CCDC183: variants seen among roughly 807,000 people sequenced by gnomAD.
The protein encoded by CCDC183 is coiled-coil domain containing 183, also known as coiled-coil domain-containing protein 183.
Under a neutral mutation model 65.2 loss-of-function variants are expected in CCDC183, and 63 were observed. The observed-to-expected ratio is 0.97, with a 90% CI of 0.79 to 1.19. The LOEUF is 1.19. Among genes scored for constraint, CCDC183 ranks in the 50% most tolerant of loss-of-function variants. The probability of loss-of-function intolerance (pLI) is 0.00; values close to 1 mark genes in which losing one functional copy is unlikely to be tolerated. For synonymous variants in CCDC183, 323 were observed against 276.5 expected (o/e 1.17, Z -1.67); for missense variants, 769 against 689.3 (o/e 1.12, Z -1.30).
At chr9:136,799,361 G>T in intron 2 of CCDC183, 138 bp downstream of exon 2, 2 of 1,331,682 alleles carry the variant, frequency 1.5e-6, no homozygotes, top group African/African-American at 3.0e-5. Flanking sequence ...GAGGGGCTCT[G>T]CTAGGACCTG....
In CCDC183 at chr9:136,804,447, T is replaced by C; in HGVS notation, c.667-55T>C. 4 of 1,580,420 alleles carry C rather than the reference T, an allele frequency of 2.5e-6. No homozygotes were observed. The Admixed American group carries it at 5.4e-5, about 21-fold the overall frequency. ...CAACCGCCCGCTGGCTTTACTGCCATTAGGGGCCTTGTTGAGACAGCTCCC... is the reference window on the plus strand; with the variant it reads ...CAACCGCCCGCTGGCTTTACTGCCACTAGGGGCCTTGTTGAGACAGCTCCC... On this transcript the variant is annotated intron_variant, in intron 6 of 13. Coordinates refer to ENST00000338005, the MANE Select transcript of CCDC183 (RefSeq NM_001039374.5). This position sits in a 1 kb window ranked among gnomAD's most constrained non-coding sequence, Gnocchi z 4.1.
chr9:136,803,161 GCCAGCCC>G, intron 6 of CCDC183, among the ~76,000 whole-genome samples: 5 of 53,772 alleles, frequency 9.3e-5, no homozygotes, highest in Admixed American at 2.7e-4. Context: ...GCCCCCCAGG[GCCAGCCC>G]TCTTGGATCT....
chr9:136,806,187 T>A lies in CCDC183; in HGVS notation c.1058T>A (p.Leu353Gln). 6.4e-7 allele frequency: 1 copy of A among 1,567,738 alleles called. No individual in the cohort carries two copies. The highest frequency in any genetic ancestry group is 1.4e-5 in the African/African-American group (1 of 73,766). The change falls in exon 10 of 14, where the codon CTG becomes CAG. Residue 353 changes from leucine (L) to glutamine (Q), a missense_variant. Leu to Gln is a moderately radical substitution (Grantham distance 113, BLOSUM62 -2). Coordinates refer to ENST00000338005, the MANE Select transcript of CCDC183 (RefSeq NM_001039374.5). Reference protein sequence around the residue: ...RVQLKALVKQLELEEAVLKFR... With the variant: ...RVQLKALVKQQELEEAVLKFR... ...CAGCTGAAGGCCCTGGTGAAGCAGC[T>A]GGAGCTGGAGGAGGCCGTGCTCAAG...
chr9:136,800,505 G>T lies in CCDC183; in HGVS notation c.543+12G>T, dbSNP rs766496433. 1 of 1,586,034 alleles carries T rather than the reference G, an allele frequency of 6.3e-7. No homozygotes were observed. The highest frequency in any genetic ancestry group is 2.2e-5 in the East Asian group (1 of 44,542). On this transcript the variant is annotated intron_variant, in intron 5 of 13. Transcript: ENST00000338005. ...ATTATCTGAAGACAGTGAGCCCAGC[G>T]GCCCGGGAAGGGCGGGGGTCAGGGG...
intron 10 of CCDC183, 36 bp downstream of exon 10, chr9:136,806,274 CCA>C (rs745784305): frequency 6.4e-7 from 1 of 1,566,256 alleles, no homozygotes; most frequent in Admixed American, 1.9e-5. Flanking sequence ...GCCACCCACC[CCA>C]GTCTCACAAA....
Position 136,806,661 on chromosome 9 carries a change from C to T in CCDC183, c.1267C>T (p.Pro423Ser), listed in dbSNP as rs775031980. 1 of 1,613,464 alleles carries T rather than the reference C, an allele frequency of 6.2e-7. No individual in the cohort carries two copies. Among genetic ancestry groups the T allele is most frequent in the Non-Finnish European group, 8.5e-7 (1 of 1,180,016 alleles). Residue 423 changes from proline to serine, a missense_variant, in exon 11 of 14, where the codon CCT becomes TCT. Physicochemically the swap from Pro to Ser is moderately conservative, Grantham distance 74 (BLOSUM62 -1). Coordinates refer to ENST00000338005, the MANE Select transcript of CCDC183 (RefSeq NM_001039374.5). ...TGTCCGGCTGATGGGCATTAACTTG[C>T]CTGCGACCCAGGTACCGGGAGTGAG... ...LYVRLMGINL[P>S]ATQREVVLSN... is the part of the protein sequence containing the mutation.
chr9:136,800,448 G>A lies in CCDC183; in HGVS notation c.498G>A (p.Gln166=), dbSNP rs1315129525. ...CAATGATCAAGATCATCACCAGCCA[G>A]AACATCCACCTGCTGTATTTGGACC... ...EKTMIKIITS[Q]NIHLLYLDLL... Residue 166 remains glutamine, a synonymous_variant, in exon 5 of 14, where the codon CAG becomes CAA. Transcript: ENST00000338005. The A allele has an allele frequency of 1.2e-6, 2 of 1,613,030 alleles. No homozygotes were observed. Among genetic ancestry groups the A allele is most frequent in the Non-Finnish European group, 1.7e-6 (2 of 1,179,580 alleles).
chr9:136,800,541 G>C (rs977781401), intron 5 of CCDC183, 48 bp downstream of exon 5: 7 of 1,398,626 alleles, frequency 5.0e-6, no homozygotes, highest in Middle Eastern at 3.5e-4. Flanking sequence ...CTGGGATCTG[G>C]GAGGGGCGGG....
At chr9:136,798,938 C>T (rs1267155861) in intron 1 of CCDC183, among the ~76,000 whole-genome samples, 164 bp from the exon 2 acceptor site, 4 of 152,192 alleles carry the variant, frequency 2.6e-5, no homozygotes, top group African/African-American at 4.8e-5. Context: ...GGCAGTGGAG[C>T]GGTGTCCCCC....
rs928278947 is a variant in CCDC183, at chr9:136,805,298, T to A, written c.848-59T>A. 1.2e-5 allele frequency: 17 copies of A among 1,430,758 alleles called. 1 individual carries two copies. The Middle Eastern group carries it at 1.0e-3, about 88-fold the overall frequency. 88.6% of individuals were successfully genotyped at this position (1,430,758 alleles called of 1,614,324 possible). A position where few individuals can be genotyped will look rare whatever the true frequency, so the allele number is the denominator to read the frequency against. ...CAGGTACAGAGGTGTCTGACAGCCTTACACAGAGCCCCTGAGCCATCCCTG... is the reference window on the plus strand; with the variant it reads ...CAGGTACAGAGGTGTCTGACAGCCTAACACAGAGCCCCTGAGCCATCCCTG... On this transcript the variant is annotated intron_variant, in intron 8 of 13. Coordinates refer to ENST00000338005, the MANE Select transcript of CCDC183 (RefSeq NM_001039374.5).
rs774293741 is a variant in CCDC183 at position 136,799,207 on chromosome 9, G to A, written c.176G>A (p.Trp59Ter). 6.2e-7 allele frequency: 1 copy of A among 1,606,494 alleles called. No homozygotes were observed. Among genetic ancestry groups the A allele is most frequent in the Non-Finnish European group, 8.5e-7 (1 of 1,176,994 alleles). ...RSNIRRGAQD[W>*]ALAKKYDQWT... ...AACATCCGCCGCGGGGCCCAGGACTGGGCTTTGGCCAAGAAGGTACACAAA... is the reference window on the plus strand; with the variant it reads ...AACATCCGCCGCGGGGCCCAGGACTAGGCTTTGGCCAAGAAGGTACACAAA... Residue 59 changes from tryptophan to a stop codon, truncating the protein, a stop_gained, in exon 2 of 14, where the codon TGG becomes TAG. Transcript: ENST00000338005. LOFTEE classifies it high-confidence loss of function.
chr9:136,804,860 G>A lies in CCDC183; in HGVS notation c.847+44G>A. On this transcript the variant is annotated intron_variant, in intron 8 of 13. Transcript: ENST00000338005. The surrounding 1 kb of genome is among the most constrained non-coding windows in gnomAD (Gnocchi z 4.1). ...ACCTGCCCCCAGCCAGGGTCCCAAG[G>A]AGAGGCTGGCACTGATTCAGGCCAA... 1.3e-6 allele frequency: 2 copies of A among 1,564,820 alleles called. No individual in the cohort carries two copies. Among genetic ancestry groups the A allele is most frequent in the African/African-American group, 2.7e-5 (2 of 74,018 alleles).
chr9:136,796,367 A>C lies in CCDC183; in HGVS notation c.-31A>C, dbSNP rs1263093724. On this transcript the variant is annotated 5_prime_UTR_variant, in exon 1 of 14. Coordinates refer to ENST00000338005, the MANE Select transcript of CCDC183 (RefSeq NM_001039374.5). ...TGAGCCCAGGGAGGCTTTGAGGTAC[A>C]CAGGGTCCCTTGGGGGGCCTGAGAG... 1 of 1,488,252 alleles carries C rather than the reference A, an allele frequency of 6.7e-7. No individual in the cohort carries two copies. Among genetic ancestry groups the C allele is most frequent in the Admixed American group, 1.9e-5 (1 of 51,674 alleles). 92.2% of individuals were successfully genotyped at this position (1,488,252 alleles called of 1,614,324 possible).
chr9:136,806,791 A>G lies in CCDC183; in HGVS notation c.1313A>G (p.Asn438Ser). Residue 438 changes from asparagine (N) to serine (S), a missense_variant, in exon 12 of 14, where the codon AAC (asparagine) becomes AGC (serine). By Grantham distance (46) the Asn-to-Ser change is conservative. Coordinates refer to ENST00000338005, the MANE Select transcript of CCDC183 (RefSeq NM_001039374.5). ...GTGCTCTCCAACACCCTCGATTTGA[A>G]CAGCAAGCTGGCGTACTGCGAGGGG... ...EVVLSNTLDLNSKLAYCEGKL... is the reference protein window; with the variant it reads ...EVVLSNTLDLSSKLAYCEGKL... The G allele has an allele frequency of 6.2e-7, 1 of 1,613,588 alleles. No homozygotes were observed. Among genetic ancestry groups the G allele is most frequent in the Non-Finnish European group, 8.5e-7 (1 of 1,180,016 alleles).
chr9:136,804,435 G>A lies in CCDC183; in HGVS notation c.667-67G>A. The A allele has an allele frequency of 6.4e-7, 1 of 1,558,394 alleles. No individual in the cohort carries two copies. On this transcript the variant is annotated intron_variant, in intron 6 of 13. Coordinates refer to ENST00000338005, the MANE Select transcript of CCDC183 (RefSeq NM_001039374.5). This position sits in a 1 kb window ranked among gnomAD's most constrained non-coding sequence, Gnocchi z 4.1. ...GGTGAGCATGGCCAACCGCCCGCTG[G>A]CTTTACTGCCATTAGGGGCCTTGTT...
intron 2 of CCDC183, 118 bp downstream of exon 2, chr9:136,799,341 G>T: frequency 7.1e-7 from 1 of 1,417,886 alleles, no homozygotes; most frequent in Non-Finnish European, 9.3e-7. Context: ...GGATCCAGGG[G>T]GCATGTGAGG....
chr9:136,804,577 A>C lies in CCDC183; in HGVS notation c.742A>C (p.Lys248Gln), dbSNP rs747197488. Residue 248 changes from lysine to glutamine, a missense_variant, in exon 7 of 14, where the codon AAG (lysine) becomes CAG (glutamine). Coordinates refer to ENST00000338005, the MANE Select transcript of CCDC183 (RefSeq NM_001039374.5). The surrounding 1 kb of genome is among the most constrained non-coding windows in gnomAD (Gnocchi z 4.1). ...ARENRLNQQK[K>Q]LIDKIHTKET... is the part of the protein sequence containing the mutation. The stretch of plus-strand genomic sequence containing the variant: ...GGAGAACCGGCTCAACCAGCAGAAG[A>C]AGCTGATCGACAAGATCCACACGAA... 1.3e-4 allele frequency: 206 copies of C among 1,613,684 alleles called. 1 individual carries two copies. The highest frequency in any genetic ancestry group is 2.4e-4 in the African/African-American group (18 of 75,012).
chr9:136,800,433 G>T lies in CCDC183; in HGVS notation c.483G>T (p.Lys161Asn). 1 of 1,613,018 alleles carries T rather than the reference G, an allele frequency of 6.2e-7. No individual in the cohort carries two copies. Among genetic ancestry groups the T allele is most frequent in the South Asian group, 1.1e-5 (1 of 90,866 alleles). ...ACAACATCGAGAAGACAATGATCAA[G>T]ATCATCACCAGCCAGAACATCCACC... ...LENNIEKTMIKIITSQNIHLL... is the reference protein window; with the variant it reads ...LENNIEKTMINIITSQNIHLL... The change falls in exon 5 of 14, where the codon AAG becomes AAT. Residue 161 changes from lysine to asparagine, a missense_variant. Lys to Asn is a moderately conservative substitution (Grantham distance 94, BLOSUM62 0). Transcript: ENST00000338005.
chr9:136,796,634 G>T (rs181810264), intron 1 of CCDC183, among the ~76,000 whole-genome samples, 167 bp downstream of exon 1: 5 of 152,332 alleles, frequency 3.3e-5, no homozygotes, highest in Admixed American at 2.6e-4. Context: ...TCTGCTTTGA[G>T]ATGCTATTAA....
Sources: gnomAD v4.1 joint callset for allele counts (sites outside exome capture counted in the v4.1 genomes callset) on GRCh38, gnomAD v4.1.1 for gene constraint, Gnocchi (gnomAD v3.1) non-coding constraint, MANE v1.5 for transcripts, NCBI Gene and HGNC (gene_info 2026-07-23, HGNC 2026-07-21) for gene names.